The following DTNB variants were observed in gnomAD, a reference collection of about 807,000 sequenced individuals.
The protein encoded by DTNB is dystrobrevin beta.
A neutral mutation model predicts 90.7 loss-of-function variants in DTNB; 63 were observed. The ratio of observed to expected loss-of-function variants is 0.69; its 90% CI spans 0.57 to 0.86. The LOEUF is 0.86. Ranked by LOEUF, DTNB falls within the 40% of genes least tolerant of loss-of-function variation. DTNB has a pLI of 0.00. For synonymous variants in DTNB, 277 were observed against 286.7 expected (o/e 0.97, Z 0.34); for missense variants, 744 against 807.1 (o/e 0.92, Z 0.95).
At chr2:25,545,911 C>T (rs546501376) in intron 8 of DTNB, among the ~76,000 whole-genome samples, 10 of 152,168 alleles carry the variant, frequency 6.6e-5, no homozygotes, top group African/African-American at 2.4e-5. Context: ...CATGAGCCAC[C>T]GTGCCCGGCT....
intron 8 of DTNB, among the ~76,000 whole-genome samples, chr2:25,552,643 G>C (rs2056504429): frequency 1.3e-5 from 2 of 152,194 alleles, no homozygotes; most frequent in African/African-American, 4.8e-5. Flanking sequence ...AGATTCTTCA[G>C]AGCCTGAGGC....
In DTNB at chr2:25,642,026, T is replaced by C. The variant is rs184424074; in HGVS notation, c.68-2932A>G. 2.9e-3 allele frequency among the ~76,000 whole-genome samples: 449 copies of C among 152,258 alleles called. 2 individuals carry two copies. Among genetic ancestry groups the C allele is most frequent in the Non-Finnish European group, 3.7e-3 (249 of 68,032 alleles). On this transcript the variant is annotated intron_variant, in intron 2 of 20. Transcript: ENST00000406818. The stretch of plus-strand genomic sequence containing the variant: ...TAGTAGAGACAGAGTTTCACCATGT[T>C]AGCCAGGATGATCTCGATCTCCTGA...
intron 8 of DTNB, among the ~76,000 whole-genome samples, chr2:25,534,011 T>G (rs13424814): frequency 0.33 from 50,500 of 151,032 alleles, 8,716 homozygotes; most frequent in Middle Eastern, 0.43. Flanking sequence ...AATTTTTTTT[T>G]AAGTATTTAT....
intron 1 of DTNB, chr2:25,653,259 G>C (rs562749903): frequency 6.6e-6 from 1 of 151,900 alleles, no homozygotes; most frequent in Non-Finnish European, 1.5e-5. Flanking sequence ...TGCTATTCTC[G>C]TGACAGTTAA....
At chr2:25,576,234 T>G (rs143756056) in intron 8 of DTNB, among the ~76,000 whole-genome samples, 225 of 147,182 alleles carry the variant, frequency 1.5e-3, no homozygotes, top group Non-Finnish European at 2.1e-3. Context: ...TTTTTTTTTT[T>G]TTTTTTTTTG....
intron 16 of DTNB, among the ~76,000 whole-genome samples, chr2:25,397,174 T>C (rs911359756): frequency 5.9e-5 from 9 of 151,662 alleles, no homozygotes; most frequent in African/African-American, 2.2e-4. Context: ...CAAATGTTCA[T>C]AGCAGCGTTA....
intron 16 of DTNB, among the ~76,000 whole-genome samples, chr2:25,411,557 T>C (rs1388447861): frequency 2.0e-5 from 3 of 152,000 alleles, no homozygotes; most frequent in Admixed American, 6.6e-5. Flanking sequence ...TATGCACATA[T>C]CCTGGGACTG....
At chr2:25,438,359 G>C (rs1372997920) in intron 12 of DTNB, among the ~76,000 whole-genome samples, 7 of 152,150 alleles carry the variant, frequency 4.6e-5, no homozygotes, top group Non-Finnish European at 8.8e-5. Context: ...GAAAATGTAT[G>C]AATTTTTGTT....
chr2:25,584,661 A>G (rs2062076321), intron 6 of DTNB, among the ~76,000 whole-genome samples: 1 of 151,980 alleles, frequency 6.6e-6, no homozygotes, highest in African/African-American at 2.4e-5. Context: ...GGTTCAAGCA[A>G]TTGTCCTGCC....
intron 16 of DTNB, 101 bp from the exon 17 acceptor site, chr2:25,388,462 C>A (rs2040162153): frequency 1.4e-6 from 2 of 1,425,372 alleles, no homozygotes; most frequent in Middle Eastern, 1.9e-4. Flanking sequence ...AGCCAGTGGG[C>A]CTCAGTTCAG....
chr2:25,642,536 G>C (rs1448267561), intron 2 of DTNB, among the ~76,000 whole-genome samples: 1 of 151,516 alleles, frequency 6.6e-6, no homozygotes, highest in Non-Finnish European at 1.5e-5. Flanking sequence ...TCAGCCTCCT[G>C]AGTAGCTGGG....
intron 8 of DTNB, among the ~76,000 whole-genome samples, chr2:25,576,097 C>T (rs1308553383): frequency 6.6e-6 from 1 of 152,040 alleles, no homozygotes; most frequent in Non-Finnish European, 1.5e-5. Context: ...TTATTTTCTG[C>T]AACTTTCCTT....
Position 25,452,100 on chromosome 2 carries a change from T to C in DTNB, c.1170-465A>G, listed in dbSNP as rs538010109. Among the ~76,000 whole-genome samples, 296 of 152,388 alleles carry C rather than the reference T, an allele frequency of 1.9e-3. 1 individual carries two copies. Among genetic ancestry groups the C allele is most frequent in the African/African-American group, 6.8e-3 (284 of 41,590 alleles). The stretch of plus-strand genomic sequence containing the variant: ...TTGCCAGGGCAGGCCAAACACACTG[T>C]AAAGCTGGAAAGATTCCATGACATC... On this transcript the variant is annotated intron_variant, in intron 11 of 20. Coordinates refer to ENST00000406818, the MANE Select transcript of DTNB (RefSeq NM_021907.5).
At chr2:25,602,485 G>C (rs754418065) in intron 5 of DTNB, among the ~76,000 whole-genome samples, 7 of 152,202 alleles carry the variant, frequency 4.6e-5, no homozygotes, top group Admixed American at 2.0e-4. Context: ...GCAGCCATGG[G>C]TGGTTAAAAA....
At chr2:25,383,809 C>A (rs200606748) in intron 19 of DTNB, 27 bp downstream of exon 19, 8 of 1,614,044 alleles carry the variant, frequency 5.0e-6, no homozygotes, top group Non-Finnish European at 6.8e-6. Context: ...CCCATTTAAA[C>A]GAGCAGTCCT....
At chr2:25,421,069 A>G (rs2049507145) in intron 15 of DTNB, 3 of 152,148 alleles carry the variant, frequency 2.0e-5, no homozygotes, top group Admixed American at 2.0e-4. Flanking sequence ...TTCTATTTAA[A>G]TTGGAACAAT....
At chr2:25,620,509 T>C (rs1295688324) in intron 4 of DTNB, among the ~76,000 whole-genome samples, 1 of 152,034 alleles carries the variant, frequency 6.6e-6, no homozygotes, top group Non-Finnish European at 1.5e-5. Context: ...TTTAAAAAAA[T>C]AAATGAAAAG....
At chr2:25,527,454 G>A (rs919211141) in intron 9 of DTNB, among the ~76,000 whole-genome samples, 1 of 151,874 alleles carries the variant, frequency 6.6e-6, no homozygotes, top group African/African-American at 2.4e-5. Context: ...ACCCGGGAGG[G>A]GGAGGTTGCA....
chr2:25,569,354 AAAG>A (rs1213184051), intron 8 of DTNB, among the ~76,000 whole-genome samples: 4 of 152,226 alleles, frequency 2.6e-5, no homozygotes, highest in Admixed American at 6.5e-5. Flanking sequence ...CAAGCGTCTC[AAAG>A]AAGAAGACTG....
Sources: allele counts gnomAD v4.1 joint callset (sites outside exome capture counted in the v4.1 genomes callset), GRCh38; gene constraint gnomAD v4.1.1; transcripts MANE v1.5; gene names NCBI Gene and HGNC (gene_info 2026-07-23, HGNC 2026-07-21).